The following PCDHGA4 variants were observed in gnomAD, a reference collection of about 807,000 sequenced individuals.
PCDHGA4 encodes the protein protocadherin gamma-A4.
PCDHGA4 carries 38 observed loss-of-function variants against 54.6 expected under a neutral mutation model. The ratio of observed to expected loss-of-function variants is 0.70; its 90% CI spans 0.54 to 0.91. PCDHGA4 has a LOEUF of 0.91. Among genes scored for constraint, PCDHGA4 ranks in the 40% least tolerant of loss-of-function variants. The pLI, the probability that PCDHGA4 is intolerant of heterozygous loss-of-function variation, is 0.00. For synonymous variants in PCDHGA4, 511 were observed against 512.9 expected, an observed-to-expected ratio of 1.00 and a Z score of 0.05; for missense variants, 1,298 against 1,220.9, an observed-to-expected ratio of 1.06 and a Z score of -0.94.
chr5:141,388,989 G>A (rs1460138722), intron 1 of PCDHGA4: 1 of 1,613,886 alleles, frequency 6.2e-7, no homozygotes, highest in African/African-American at 1.3e-5. Context: ...TTTGCTCAAA[G>A]TCCGTGACAA....
chr5:141,468,749 C>G (rs1237051053), intron 1 of PCDHGA4, among the ~76,000 whole-genome samples: 1 of 151,962 alleles, frequency 6.6e-6, no homozygotes, highest in Non-Finnish European at 1.5e-5. Context: ...GCCTGTAGTC[C>G]CAGCTACTCG....
intron 2 of PCDHGA4, among the ~76,000 whole-genome samples, chr5:141,497,552 T>C (rs2099777669): frequency 6.6e-6 from 1 of 151,386 alleles, no homozygotes; most frequent in Non-Finnish European, 1.5e-5. Context: ...TTTTTTTTTT[T>C]TTTTTTAGAC....
intron 1 of PCDHGA4, among the ~76,000 whole-genome samples, chr5:141,463,896 T>C (rs982611169): frequency 2.0e-5 from 3 of 152,192 alleles, no homozygotes; most frequent in African/African-American, 7.2e-5. Flanking sequence ...CCTTGCTTTT[T>C]GTACTAATAA....
At chr5:141,395,194 C>T (rs867640127) in intron 1 of PCDHGA4, 2 of 1,613,922 alleles carry the variant, frequency 1.2e-6, no homozygotes, top group Non-Finnish European at 1.7e-6. Context: ...TTGTTAACAT[C>T]CGTAGATTTT....
At position 141,371,642 on chromosome 5, in the gene PCDHGA4, A is replaced by G. The variant is rs774578258; in HGVS notation, c.2514+14021A>G. 5.0e-6 allele frequency: 8 copies of G among 1,613,946 alleles called. No individual in the cohort carries two copies. In the Admixed American group the frequency reaches 5.0e-5, roughly 10 times the overall value. ...GAGCCCTGGACCGGGAGCAGATCCC[A>G]GAATACAATGTGACGATCACAGCTA... On this transcript the variant is annotated intron_variant, in intron 1 of 3. Coordinates refer to ENST00000571252, the MANE Select transcript of PCDHGA4 (RefSeq NM_018917.4).
intron 1 of PCDHGA4, among the ~76,000 whole-genome samples, chr5:141,407,652 A>G (rs2094964200): frequency 6.6e-6 from 1 of 152,020 alleles, no homozygotes; most frequent in Non-Finnish European, 1.5e-5. Flanking sequence ...ATAATGGGGG[A>G]GCGCAGTATA....
In PCDHGA4 at chr5:141,366,466, G is replaced by C. The variant is rs774389587; in HGVS notation, c.2514+8845G>C. 9 of 1,614,110 alleles carry C rather than the reference G, an allele frequency of 5.6e-6. No individual in the cohort carries two copies. The South Asian group carries it at 9.9e-5, about 18-fold the overall frequency. Reference sequence around the variant, plus strand: ...TCCTGGCCTTCGTCATCGTGCTGCTGGTGCTCAGACTGAGGCGCTGGCACA... The same window carrying C: ...TCCTGGCCTTCGTCATCGTGCTGCTCGTGCTCAGACTGAGGCGCTGGCACA... On this transcript the variant is annotated intron_variant, in intron 1 of 3. Coordinates refer to ENST00000571252, the MANE Select transcript of PCDHGA4 (RefSeq NM_018917.4).
At chr5:141,384,558 G>C (rs1305876368) in intron 1 of PCDHGA4, 2 of 1,614,132 alleles carry the variant, frequency 1.2e-6, no homozygotes, top group African/African-American at 1.3e-5. Context: ...TGTTCGTGCT[G>C]GACCAGAATG....
intron 1 of PCDHGA4, among the ~76,000 whole-genome samples, chr5:141,469,739 A>G (rs1352751978): frequency 1.3e-5 from 2 of 152,262 alleles, no homozygotes; most frequent in African/African-American, 4.8e-5. Flanking sequence ...TACACACCTC[A>G]AAAATTACAA....
intron 3 of PCDHGA4, among the ~76,000 whole-genome samples, chr5:141,509,429 T>G (rs2099876771): frequency 6.6e-6 from 1 of 151,964 alleles, no homozygotes; most frequent in Non-Finnish European, 1.5e-5. Context: ...TGAGTCAAAC[T>G]CTTGTTTCCT....
Position 141,477,934 on chromosome 5 carries a change from C to T in PCDHGA4, c.2515-16873C>T. Reference sequence around the variant, plus strand: ...CGGATGCAGGGCACAATGCCTGGCTCTCCTACAGTCTCTTGGGATCCCCTA... The same window carrying T: ...CGGATGCAGGGCACAATGCCTGGCTTTCCTACAGTCTCTTGGGATCCCCTA... On this transcript the variant is annotated intron_variant, in intron 1 of 3. Coordinates refer to ENST00000571252, the MANE Select transcript of PCDHGA4 (RefSeq NM_018917.4). This position sits in a 1 kb window ranked among gnomAD's most constrained non-coding sequence, Gnocchi z 4.9. 3.1e-6 allele frequency: 5 copies of T among 1,614,204 alleles called. No individual in the cohort carries two copies. The highest frequency in any genetic ancestry group is 4.2e-6 in the Non-Finnish European group (5 of 1,180,036).
chr5:141,358,047 A>G (rs532644383), intron 1 of PCDHGA4, among the ~76,000 whole-genome samples: 1 of 152,202 alleles, frequency 6.6e-6, no homozygotes, highest in Admixed American at 6.5e-5. Flanking sequence ...AAAGTTAGCT[A>G]GGCGTGGTGG....
At chr5:141,504,842 A>G (rs944461166) in intron 2 of PCDHGA4, among the ~76,000 whole-genome samples, 7 of 151,968 alleles carry the variant, frequency 4.6e-5, no homozygotes, top group African/African-American at 1.7e-4. Context: ...CTAGCTCTGG[A>G]ACATTCTCTT....
chr5:141,487,258 G>A lies in PCDHGA4; in HGVS notation c.2515-7549G>A, dbSNP rs368598017. The A allele has an allele frequency of 3.7e-6, 6 of 1,614,026 alleles. No homozygotes were observed. Among genetic ancestry groups the A allele is most frequent in the Non-Finnish European group, 4.2e-6 (5 of 1,180,030 alleles). On this transcript the variant is annotated intron_variant, in intron 1 of 3. Transcript: ENST00000571252. The surrounding 1 kb of genome is among the most constrained non-coding windows in gnomAD (Gnocchi z 5.0). ...CTCGTCTAACCCTCTACTTGGCTGT[G>A]TCCCTAGTGGCAATTTGCTTTGTCT...
Position 141,511,579 on chromosome 5 carries a change from G to T in PCDHGA4, c.*406G>T. The T allele has an allele frequency of 3.6e-6, 1 of 280,798 alleles. No individual in the cohort carries two copies. Among genetic ancestry groups the T allele is most frequent in the South Asian group, 4.1e-5 (1 of 24,614 alleles). 17.4% of individuals were successfully genotyped at this position (280,798 alleles called of 1,614,324 possible). On this transcript the variant is annotated 3_prime_UTR_variant, in exon 4 of 4. Transcript: ENST00000571252. Reference sequence around the variant, plus strand: ...CCTCTTTCCCGAGTAAGGTGGTTGGGGTGTTGAAGTACCAAGTAACCTACA... The same window carrying T: ...CCTCTTTCCCGAGTAAGGTGGTTGGTGTGTTGAAGTACCAAGTAACCTACA...
Position 141,490,711 on chromosome 5 carries a change from T to C in PCDHGA4, c.2515-4096T>C. ...CACTGGGGATAATGCCCGCCTCACC[T>C]ACTCCATTGTAGGAAATCAGGTTCA... On this transcript the variant is annotated intron_variant, in intron 1 of 3. Transcript: ENST00000571252. The surrounding 1 kb of genome is among the most constrained non-coding windows in gnomAD (Gnocchi z 5.4). The C allele has an allele frequency of 6.2e-7, 1 of 1,614,200 alleles. No individual in the cohort carries two copies. Among genetic ancestry groups the C allele is most frequent in the Non-Finnish European group, 8.5e-7 (1 of 1,180,002 alleles).
At chr5:141,394,277 T>C (rs1209758237) in intron 1 of PCDHGA4, 1 of 1,613,946 alleles carries the variant, frequency 6.2e-7, no homozygotes, top group South Asian at 1.1e-5. Flanking sequence ...CCCAGGTCAC[T>C]TACTCTGTGA....
intron 1 of PCDHGA4, among the ~76,000 whole-genome samples, chr5:141,434,860 A>G (rs2097723622): frequency 6.6e-6 from 1 of 151,982 alleles, no homozygotes; most frequent in African/African-American, 2.4e-5. Flanking sequence ...ATAAATTTAT[A>G]TATATGTGAC....
At chr5:141,483,640 G>T (rs1406049976) in intron 1 of PCDHGA4, among the ~76,000 whole-genome samples, 3 of 144,232 alleles carry the variant, frequency 2.1e-5, no homozygotes, top group Non-Finnish European at 4.5e-5. Flanking sequence ...GTATAGAGGG[G>T]TGTGTGTTTG....
Sources: allele counts gnomAD v4.1 joint callset (sites outside exome capture counted in the v4.1 genomes callset), GRCh38; gene constraint gnomAD v4.1.1; non-coding constraint Gnocchi (gnomAD v3.1); transcripts MANE v1.5; gene names NCBI Gene and HGNC (gene_info 2026-07-23, HGNC 2026-07-21).